The following ZNF274 variants were observed in gnomAD, a reference collection of about 807,000 sequenced individuals.
ZNF274 encodes neurotrophin receptor-interacting factor homolog.
A neutral mutation model predicts 42.5 loss-of-function variants in ZNF274; 23 were observed. The observed-to-expected ratio is 0.54, with a 90% CI of 0.39 to 0.77. The LOEUF (loss-of-function observed/expected upper bound fraction) is 0.77, where lower values mean the gene tolerates loss of function less well. Among genes scored for constraint, ZNF274 ranks in the 30% least tolerant of loss-of-function variants. The pLI, the probability that ZNF274 is intolerant of heterozygous loss-of-function variation, is 0.00. For missense variants in ZNF274, 679 were observed against 806.5 expected, an observed-to-expected ratio of 0.84 and a Z score of 1.91; for synonymous variants, 292 against 305.4, an observed-to-expected ratio of 0.96 and a Z score of 0.46.
Position 58,213,146 on chromosome 19 carries a change from C to T in ZNF274, c.*3C>T. On this transcript the variant is annotated 3_prime_UTR_variant, in exon 8 of 8. Coordinates refer to ENST00000617501, the MANE Select transcript of ZNF274 (RefSeq NM_133502.3). The stretch of plus-strand genomic sequence containing the variant: ...AGAAGAAACAGCCTACCTCATAGCT[C>T]TCAAGCCAGTTGAAGAAACCTTGCC... 1.3e-6 allele frequency: 2 copies of T among 1,597,726 alleles called. No individual in the cohort carries two copies. The highest frequency in any genetic ancestry group is 1.7e-6 in the Non-Finnish European group (2 of 1,171,160).
intron 4 of ZNF274, among the ~76,000 whole-genome samples, chr19:58,203,579 CAAAAAAAAAAA>C (rs34444681): frequency 2.5e-5 from 2 of 80,286 alleles, no homozygotes; most frequent in Admixed American, 1.4e-4. Context: ...AACTCCGTCT[CAAAAAAAAAAA>C]AAAAAAGAAA....
chr19:58,202,192 C>G (rs1204353929), intron 4 of ZNF274: 1 of 152,188 alleles, frequency 6.6e-6, no homozygotes, highest in Non-Finnish European at 1.5e-5. Context: ...CATTGCTTTT[C>G]GTTATATTTT....
At chr19:58,190,458 A>AT (rs2075766865) in intron 4 of ZNF274, among the ~76,000 whole-genome samples, 1 of 152,160 alleles carries the variant, frequency 6.6e-6, no homozygotes, top group African/African-American at 2.4e-5. Context: ...GGTTTTGATG[A>AT]GCTTAATGCT....
At chr19:58,204,600 A>T (rs568206294) in intron 4 of ZNF274, among the ~76,000 whole-genome samples, 35 of 152,008 alleles carry the variant, frequency 2.3e-4, no homozygotes, top group Non-Finnish European at 4.7e-4. Flanking sequence ...TTTTTAACGT[A>T]GCTGCAGCTA....
At chr19:58,204,272 A>G (rs1300884423) in intron 4 of ZNF274, among the ~76,000 whole-genome samples, 1 of 151,838 alleles carries the variant, frequency 6.6e-6, no homozygotes, top group East Asian at 1.9e-4. Context: ...ACGGTACCGG[A>G]AGCCCGTGTC....
rs190677904 is a variant in ZNF274 at position 58,205,866 on chromosome 19, A to C, written c.257-854A>C. Among the ~76,000 whole-genome samples, 232 of 152,264 alleles carry C rather than the reference A, an allele frequency of 1.5e-3. 1 individual carries two copies. Among genetic ancestry groups the C allele is most frequent in the African/African-American group, 5.4e-3 (224 of 41,544 alleles). ...TTCCTGTGACCATGCATACATGTACAGTGTCACAGATCCCTTCTCAACCCT... is the reference window on the plus strand; with the variant it reads ...TTCCTGTGACCATGCATACATGTACCGTGTCACAGATCCCTTCTCAACCCT... On this transcript the variant is annotated intron_variant, in intron 4 of 7. Transcript: ENST00000617501.
Position 58,212,979 on chromosome 19 carries a change from T to A in ZNF274, c.1798T>A (p.Phe600Ile). ...CAAGTGTCAGGACTGTGGAAAAGCC[T>A]TCCGCCAGAGCTCCCACCTCATCAG... ...PYKCQDCGKAFRQSSHLIRHQ... is the reference protein window; with the variant it reads ...PYKCQDCGKAIRQSSHLIRHQ... The change falls in exon 8 of 8, where the codon TTC (phenylalanine) becomes ATC (isoleucine). Residue 600 changes from phenylalanine to isoleucine, a missense_variant. By Grantham distance (21) the Phe-to-Ile change is conservative. Transcript: ENST00000617501. The surrounding 1 kb of genome is among the most constrained non-coding windows in gnomAD (Gnocchi z 4.6). The A allele has an allele frequency of 6.2e-7, 1 of 1,613,912 alleles. No individual in the cohort carries two copies. Among genetic ancestry groups the A allele is most frequent in the Non-Finnish European group, 8.5e-7 (1 of 1,179,850 alleles).
rs2076060118 is a variant in ZNF274, at chr19:58,212,908, C to T, written c.1727C>T (p.Ser576Leu). The change falls in exon 8 of 8, where the codon TCA becomes TTA. Residue 576 changes from serine (S) to leucine (L), a missense_variant. Ser to Leu is a moderately radical substitution (Grantham distance 145, BLOSUM62 -2). Coordinates refer to ENST00000617501, the MANE Select transcript of ZNF274 (RefSeq NM_133502.3). This position sits in a 1 kb window ranked among gnomAD's most constrained non-coding sequence, Gnocchi z 4.6. ...TGTGGGAGGACCTTCAATGATCGCT[C>T]AGCCATCTCCCAGCACCTGAGGACT... ...QECGRTFNDR[S>L]AISQHLRTHT... The T allele has an allele frequency of 6.2e-7, 1 of 1,614,002 alleles. No individual in the cohort carries two copies. The highest frequency in any genetic ancestry group is 2.2e-5 in the East Asian group (1 of 44,892).
intron 2 of ZNF274, among the ~76,000 whole-genome samples, chr19:58,185,033 T>G (rs2075680273): frequency 6.7e-6 from 1 of 149,328 alleles, no homozygotes; most frequent in South Asian, 2.1e-4. Context: ...GGCAGGAGAA[T>G]GGCGTGAACC....
chr19:58,204,390 T>C (rs1285823389), intron 4 of ZNF274, among the ~76,000 whole-genome samples: 1 of 151,936 alleles, frequency 6.6e-6, no homozygotes, highest in Non-Finnish European at 1.5e-5. Flanking sequence ...GTTGTAGGCG[T>C]CGACCCATTT....
Position 58,211,759 on chromosome 19 carries a change from C to A in ZNF274, c.979+73C>A. 6.5e-7 allele frequency: 1 copy of A among 1,529,776 alleles called. No individual in the cohort carries two copies. Among genetic ancestry groups the A allele is most frequent in the Non-Finnish European group, 8.8e-7 (1 of 1,135,930 alleles). 94.8% of individuals were successfully genotyped at this position (1,529,776 alleles called of 1,614,324 possible). On this transcript the variant is annotated intron_variant, in intron 7 of 7. Transcript: ENST00000617501. This position sits in a 1 kb window ranked among gnomAD's most constrained non-coding sequence, Gnocchi z 4.8. The stretch of plus-strand genomic sequence containing the variant: ...GGAGCCCCAAGTCAGGGGTGTTCAC[C>A]TTCTCTAGACTCCACACTGGGCATT...
At chr19:58,204,634 C>G (rs1026485238) in intron 4 of ZNF274, among the ~76,000 whole-genome samples, 8 of 152,158 alleles carry the variant, frequency 5.3e-5, no homozygotes, top group Non-Finnish European at 8.8e-5. Flanking sequence ...ATTTTCTGCT[C>G]TGCGACCGTT....
rs367998102 is a variant in ZNF274 at position 58,204,723 on chromosome 19, CTG to C, written c.257-1993_257-1992del. On this transcript the variant is annotated intron_variant, in intron 4 of 7. Coordinates refer to ENST00000617501, the MANE Select transcript of ZNF274 (RefSeq NM_133502.3). ...GGGAGTTTTTAACAATTTTCTTAAACTGTGTTACAACACTACCCGTTCTTCCA... is the reference window on the plus strand; with the variant it reads ...GGGAGTTTTTAACAATTTTCTTAAACTGTTACAACACTACCCGTTCTTCCA... 2.6e-3 allele frequency among the ~76,000 whole-genome samples: 402 copies of C among 152,292 alleles called. 2 individuals carry two copies. The highest frequency in any genetic ancestry group is 9.2e-3 in the African/African-American group (381 of 41,570).
At chr19:58,200,002 T>C (rs1568705142) in intron 4 of ZNF274, among the ~76,000 whole-genome samples, 1 of 152,234 alleles carries the variant, frequency 6.6e-6, no homozygotes, top group East Asian at 1.9e-4. Context: ...CATTTTACCA[T>C]GGGACCAGAA....
intron 4 of ZNF274, among the ~76,000 whole-genome samples, chr19:58,195,515 T>C (rs1434903271): frequency 6.9e-6 from 1 of 144,672 alleles, no homozygotes; most frequent in Non-Finnish European, 1.6e-5. Context: ...TCTTCTAAAG[T>C]GGTCAGTTTC....
rs760371004 is a variant in ZNF274 at position 58,183,954 on chromosome 19, A to G, written c.-12A>G. On this transcript the variant is annotated 5_prime_UTR_variant, in exon 2 of 8. Transcript: ENST00000617501. ...CCACTTCCACCAGAGACACATTGAG[A>G]AGGAGGAAACTATGGCCTCCAGGCT... is the stretch of plus-strand genomic sequence containing the variant. 1 of 1,593,506 alleles carries G rather than the reference A, an allele frequency of 6.3e-7. No individual in the cohort carries two copies. The highest frequency in any genetic ancestry group is 1.1e-5 in the South Asian group (1 of 87,662).
intron 4 of ZNF274, among the ~76,000 whole-genome samples, chr19:58,188,688 GTATATGTATATATATATATATATATATA>G (rs1362681287): frequency 1.9e-5 from 1 of 52,982 alleles, no homozygotes; most frequent in Non-Finnish European, 3.4e-5. Flanking sequence ...ATATATATAT[GTATATGTATATATATATATATATATATA>G]TATATATAAA....
intron 4 of ZNF274, among the ~76,000 whole-genome samples, chr19:58,205,944 A>C (rs1449275461): frequency 6.6e-6 from 1 of 152,196 alleles, no homozygotes. Context: ...TAATTCACAC[A>C]TTGTAAAGTT....
chr19:58,202,888 T>C (rs2075930195), intron 4 of ZNF274, among the ~76,000 whole-genome samples: 1 of 152,138 alleles, frequency 6.6e-6, no homozygotes, highest in Admixed American at 6.5e-5. Context: ...TTCCACAGCA[T>C]GCAAAAGGTG....
Sources: allele counts gnomAD v4.1 joint callset (sites outside exome capture counted in the v4.1 genomes callset), GRCh38; gene constraint gnomAD v4.1.1; non-coding constraint Gnocchi (gnomAD v3.1); transcripts MANE v1.5; gene names NCBI Gene and HGNC (gene_info 2026-07-23, HGNC 2026-07-21).